Variants in ANO3 observed in about 807,000 individuals in gnomAD.
ANO3 encodes the protein anoctamin-3.
A neutral mutation model predicts 144.8 loss-of-function variants in ANO3; 99 were observed. That is an observed-to-expected ratio of 0.68 (90% confidence interval 0.58 to 0.81). ANO3 has a LOEUF of 0.81. ANO3 is among the 30% of genes least tolerant of loss of function. The pLI, the probability that ANO3 is intolerant of heterozygous loss-of-function variation, is 0.00. For missense variants in ANO3, 905 were observed against 1,202.2 expected (o/e 0.75, Z 3.66); for synonymous variants, 414 against 392.6 (o/e 1.05, Z -0.64).
chr11:26,345,230 A>C (rs1855468628), intron 1 of ANO3, among the ~76,000 whole-genome samples: 1 of 152,182 alleles, frequency 6.6e-6, no homozygotes, highest in Non-Finnish European at 1.5e-5. Flanking sequence ...AGGCTTTGAA[A>C]TTATCAGATA....
intron 7 of ANO3, among the ~76,000 whole-genome samples, chr11:26,526,012 A>T (rs1198190233): frequency 1.3e-5 from 2 of 152,096 alleles, no homozygotes; most frequent in African/African-American, 4.8e-5. Flanking sequence ...ACCCACAGTA[A>T]CAGAACAATA....
intron 1 of ANO3, among the ~76,000 whole-genome samples, chr11:26,286,765 G>T (rs1164709226): frequency 6.6e-6 from 1 of 152,092 alleles, no homozygotes. Flanking sequence ...AAATGCAGGG[G>T]TTCTTTCTGT....
At chr11:26,592,931 C>T (rs1205517235) in intron 14 of ANO3, among the ~76,000 whole-genome samples, 2 of 151,960 alleles carry the variant, frequency 1.3e-5, no homozygotes, top group Non-Finnish European at 2.9e-5. Flanking sequence ...GGCTTGGTTT[C>T]CCGGAGGGGA....
intron 1 of ANO3, among the ~76,000 whole-genome samples, chr11:26,231,146 G>A (rs919001579): frequency 5.3e-5 from 8 of 151,990 alleles, no homozygotes; most frequent in Non-Finnish European, 7.4e-5. Flanking sequence ...CAAAGTGCTG[G>A]GATTACAAGC....
chr11:26,632,064 C>T (rs572952175), intron 18 of ANO3, among the ~76,000 whole-genome samples: 1 of 151,892 alleles, frequency 6.6e-6, no homozygotes, highest in African/African-American at 2.4e-5. Flanking sequence ...TGGTGTCGGG[C>T]GCCTGTAATC....
intron 1 of ANO3, among the ~76,000 whole-genome samples, chr11:26,355,027 C>A (rs1016841400): frequency 6.7e-6 from 1 of 149,206 alleles, no homozygotes; most frequent in African/African-American, 2.5e-5. Flanking sequence ...TTTTTTCTCC[C>A]TCTGAAGATG....
intron 10 of ANO3, among the ~76,000 whole-genome samples, chr11:26,540,050 G>A (rs754245653): frequency 7.9e-5 from 12 of 151,924 alleles, no homozygotes; most frequent in East Asian, 1.9e-4. Context: ...GATAATAAAA[G>A]CAGAGAAGTT....
intron 1 of ANO3, among the ~76,000 whole-genome samples, chr11:26,315,610 T>C (rs902687485): frequency 6.6e-6 from 1 of 152,010 alleles, no homozygotes; most frequent in Non-Finnish European, 1.5e-5. Context: ...AGAGATATTC[T>C]CTTTTTTTTT....
intron 3 of ANO3, 139 bp downstream of exon 3, chr11:26,443,975 T>C: frequency 2.0e-6 from 1 of 487,886 alleles, no homozygotes. Context: ...TATAATATTC[T>C]GAGGTTAAGA....
At chr11:26,384,902 T>C (rs1856683802) in intron 1 of ANO3, among the ~76,000 whole-genome samples, 2 of 152,230 alleles carry the variant, frequency 1.3e-5, no homozygotes, top group African/African-American at 2.4e-5. Flanking sequence ...TGTGAACATT[T>C]ACCTTGGCAA....
chr11:26,519,493 A>T (rs1036699248), intron 6 of ANO3, among the ~76,000 whole-genome samples: 1 of 152,344 alleles, frequency 6.6e-6, no homozygotes, highest in East Asian at 1.9e-4. Flanking sequence ...AGAACAAATT[A>T]CCACATACTG....
intron 1 of ANO3, among the ~76,000 whole-genome samples, chr11:26,372,100 C>T (rs1041498071): frequency 1.3e-5 from 2 of 152,154 alleles, no homozygotes; most frequent in Non-Finnish European, 2.9e-5. Context: ...CTATAATCCC[C>T]ACATGTTGTG....
intron 1 of ANO3, among the ~76,000 whole-genome samples, chr11:26,440,095 C>T (rs1858459423): frequency 6.6e-6 from 1 of 152,046 alleles, no homozygotes; most frequent in Admixed American, 6.6e-5. Flanking sequence ...GGGGGTGGTT[C>T]ATGGTTTTAT....
At chr11:26,308,351 A>G (rs1017695858), upstream of ANO3, among the ~76,000 whole-genome samples, 2 of 152,184 alleles carry the variant, frequency 1.3e-5, no homozygotes, top group South Asian at 4.1e-4. Flanking sequence ...TTTACATTCC[A>G]TAAACTTATA....
chr11:26,497,513 T>C (rs1861013568), intron 4 of ANO3, among the ~76,000 whole-genome samples: 1 of 152,110 alleles, frequency 6.6e-6, no homozygotes, highest in Non-Finnish European at 1.5e-5. Flanking sequence ...AAAAAGTTTT[T>C]CTTTGTGTAA....
chr11:26,497,468 C>G (rs1861009435), intron 4 of ANO3, among the ~76,000 whole-genome samples: 1 of 152,026 alleles, frequency 6.6e-6, no homozygotes, highest in South Asian at 2.1e-4. Context: ...TCACCAACCA[C>G]AATGAGATAC....
intron 17 of ANO3, among the ~76,000 whole-genome samples, chr11:26,608,058 A>G (rs905957674): frequency 1.3e-5 from 2 of 152,122 alleles, no homozygotes; most frequent in Middle Eastern, 3.2e-3. Flanking sequence ...ATTCTTTCTC[A>G]TCTTCGTTAG....
At chr11:26,576,866 T>G (rs1565118767) in intron 14 of ANO3, among the ~76,000 whole-genome samples, 1 of 152,196 alleles carries the variant, frequency 6.6e-6, no homozygotes, top group Non-Finnish European at 1.5e-5. Flanking sequence ...AATGAGTGAA[T>G]TGATAAAAGA....
At chr11:26,222,057 G>GT (rs954552766) in intron 1 of ANO3, among the ~76,000 whole-genome samples, 1 of 152,070 alleles carries the variant, frequency 6.6e-6, no homozygotes, top group Non-Finnish European at 1.5e-5. Context: ...GTCTTAACTT[G>GT]TTTCAGTATC....
Sources: gnomAD v4.1 joint callset for allele counts (sites outside exome capture counted in the v4.1 genomes callset) on GRCh38, gnomAD v4.1.1 for gene constraint, MANE v1.5 for transcripts, NCBI Gene and HGNC (gene_info 2026-07-23, HGNC 2026-07-21) for gene names.